Variants in ADGB observed in about 807,000 individuals in gnomAD.
ADGB encodes the protein androglobin.
In ADGB, 172 loss-of-function variants were observed where a neutral mutation model predicts 210.5. That is an observed-to-expected ratio of 0.82 (90% CI 0.72 to 0.93). The LOEUF is 0.93. Among genes scored for constraint, ADGB ranks in the 40% least tolerant of loss-of-function variants. The pLI is 0.00. For missense variants in ADGB, 2,025 were observed against 1,964.8 expected (o/e 1.03, Z -0.58); for synonymous variants, 658 against 662.7 (o/e 0.99, Z 0.11).
chr6:146,717,242 A>G (rs1345724605), intron 15 of ADGB, among the ~76,000 whole-genome samples, 173 bp downstream of exon 15: 1 of 152,224 alleles, frequency 6.6e-6, no homozygotes, highest in Non-Finnish European at 1.5e-5. Flanking sequence ...GTGTTGGTAT[A>G]ATATCAAATA....
rs1321655469 is a variant in ADGB at position 146,620,886 on chromosome 6, A to G, written c.75-14489A>G. Among the ~76,000 whole-genome samples the G allele has an allele frequency of 2.0e-5, 3 of 152,046 alleles. 1 individual carries two copies. The highest frequency in any genetic ancestry group is 2.0e-4 in the Admixed American group (3 of 15,246). On this transcript the variant is annotated intron_variant, in intron 1 of 35. Coordinates refer to ENST00000397944, the MANE Select transcript of ADGB (RefSeq NM_024694.4). ...GCAACTCTTATGTTGATTCCTGAGC[A>G]TTTGATGAGACAGCCACTTCCAGTT...
chr6:146,729,336 A>T (rs7744349), intron 20 of ADGB, among the ~76,000 whole-genome samples: 77,473 of 152,100 alleles, frequency 0.51, 20,939 homozygotes, highest in African/African-American at 0.69. Context: ...CTTCAATTTT[A>T]TTTGGAAGAG....
At chr6:146,784,026 T>C (rs1317004619) in intron 30 of ADGB, among the ~76,000 whole-genome samples, 2 of 152,312 alleles carry the variant, frequency 1.3e-5, no homozygotes, top group East Asian at 3.9e-4. Context: ...TAAGTAAAAT[T>C]TGCATACATG....
At chr6:146,728,314 A>G (rs1388739305) in intron 19 of ADGB, among the ~76,000 whole-genome samples, 1 of 152,162 alleles carries the variant, frequency 6.6e-6, no homozygotes, top group East Asian at 1.9e-4. Context: ...AGGTCTGGTT[A>G]TTAATACGGT....
chr6:146,814,168 A>G (rs1227778269), intron 35 of ADGB, among the ~76,000 whole-genome samples: 3 of 152,148 alleles, frequency 2.0e-5, no homozygotes, highest in Non-Finnish European at 2.9e-5. Context: ...CAGCTTTTCC[A>G]ACATCTCAAT....
At position 146,599,102 on chromosome 6, in the gene ADGB, A is replaced by G; in HGVS notation, c.62A>G (p.Asp21Gly). ...CGTATCAACTCGGCGCACGGATCGGATAAATCGAAAGAGTAAGGGACCTCT... is the reference window on the plus strand; with the variant it reads ...CGTATCAACTCGGCGCACGGATCGGGTAAATCGAAAGAGTAAGGGACCTCT... ...VHRINSAHGS[D>G]KSKDFYPFGS... Residue 21 changes from aspartate to glycine, a missense_variant, in exon 1 of 36, where the codon GAT (aspartate) becomes GGT (glycine). Physicochemically the swap from Asp to Gly is moderately conservative, Grantham distance 94. Transcript: ENST00000397944. The G allele has an allele frequency of 6.4e-7, 1 of 1,551,694 alleles. No individual in the cohort carries two copies. Among genetic ancestry groups the G allele is most frequent in the Non-Finnish European group, 8.7e-7 (1 of 1,146,954 alleles).
At chr6:146,615,146 T>G (rs546314750) in intron 1 of ADGB, among the ~76,000 whole-genome samples, 75 of 151,930 alleles carry the variant, frequency 4.9e-4, no homozygotes, top group African/African-American at 1.7e-3. Flanking sequence ...GACCTCGTGA[T>G]CCCCCTGCCT....
At chr6:146,728,763 T>C (rs1327669) in intron 20 of ADGB, 22 bp downstream of exon 20, 385,474 of 1,489,360 alleles carry the variant, frequency 0.26, 51,676 homozygotes, top group Non-Finnish European at 0.28. Context: ...TGGGATACAA[T>C]GTTCAGAAGA....
chr6:146,739,356 G>C (rs1331528871), intron 23 of ADGB, among the ~76,000 whole-genome samples: 1 of 152,118 alleles, frequency 6.6e-6, no homozygotes, highest in African/African-American at 2.4e-5. Context: ...ATGGAGAACT[G>C]TTAATAATTA....
intron 35 of ADGB, among the ~76,000 whole-genome samples, chr6:146,805,816 G>A (rs1043320182): frequency 6.6e-6 from 1 of 152,100 alleles, no homozygotes; most frequent in Non-Finnish European, 1.5e-5. Context: ...TTGTGTAACC[G>A]TGCCTAGTCT....
At chr6:146,685,653 C>T (rs1776221707) in intron 9 of ADGB, 81 bp from the exon 10 acceptor site, 1 of 649,458 alleles carries the variant, frequency 1.5e-6, no homozygotes, top group Non-Finnish European at 2.4e-6. Context: ...TTCATTAAGG[C>T]AATTGAACAA....
chr6:146,654,142 T>C lies in ADGB; in HGVS notation c.338T>C (p.Val113Ala). 2 of 1,532,272 alleles carry C rather than the reference T, an allele frequency of 1.3e-6. No homozygotes were observed. Among genetic ancestry groups the C allele is most frequent in the Non-Finnish European group, 1.8e-6 (2 of 1,131,548 alleles). The allele number at this position is 1,532,272 out of a possible 1,614,324, so 94.9% of individuals were successfully genotyped here. Residue 113 changes from valine to alanine, a missense_variant, in exon 4 of 36, where the codon GTA (valine) becomes GCA (alanine). Val to Ala is a moderately conservative substitution (Grantham distance 64). Coordinates refer to ENST00000397944, the MANE Select transcript of ADGB (RefSeq NM_024694.4). The part of the protein sequence containing the change: ...PQDILFSQTP[V>A]VVKNEITFDL... ...CATATATATTTTTTTCAGACTCCAG[T>C]AGTTGTGAAAAATGAAATCACGTTT...
chr6:146,760,411 T>A (rs1439892736), intron 27 of ADGB, among the ~76,000 whole-genome samples: 1 of 151,330 alleles, frequency 6.6e-6, no homozygotes, highest in Non-Finnish European at 1.5e-5. Flanking sequence ...TTAAGTTATA[T>A]CCATGTTATT....
intron 26 of ADGB, among the ~76,000 whole-genome samples, chr6:146,747,833 A>T (rs1381757780): frequency 6.8e-6 from 1 of 146,206 alleles, no homozygotes; most frequent in Non-Finnish European, 1.5e-5. Context: ...GGCTGTATGT[A>T]GTACAGCGGC....
At chr6:146,735,936 A>G (rs1777072971) in intron 22 of ADGB, among the ~76,000 whole-genome samples, 1 of 152,250 alleles carries the variant, frequency 6.6e-6, no homozygotes, top group South Asian at 2.1e-4. Context: ...ACAAGTAAAT[A>G]TATGAAGATA....
At chr6:146,699,293 AC>A (rs1776454099) in intron 12 of ADGB, among the ~76,000 whole-genome samples, 1 of 152,108 alleles carries the variant, frequency 6.6e-6, no homozygotes. Context: ...AGGCCTCAGA[AC>A]CCAGGAAGCT....
intron 9 of ADGB, among the ~76,000 whole-genome samples, chr6:146,682,679 C>T (rs1450797155): frequency 6.6e-6 from 1 of 152,020 alleles, no homozygotes; most frequent in African/African-American, 2.4e-5. Context: ...ATTCTAAAAG[C>T]AGTTTTATTG....
At chr6:146,810,591 T>TAC (rs1049657648) in intron 35 of ADGB, among the ~76,000 whole-genome samples, 3 of 151,658 alleles carry the variant, frequency 2.0e-5, no homozygotes, top group African/African-American at 7.3e-5. Flanking sequence ...ATGTGGTATA[T>TAC]ATATATATAA....
chr6:146,807,402 G>C (rs202091128), intron 35 of ADGB: 82 of 1,550,886 alleles, frequency 5.3e-5, no homozygotes, highest in Non-Finnish European at 6.9e-5. Flanking sequence ...TTTGGAACAG[G>C]ACTCCTTAGA....
Sources: gnomAD v4.1 joint callset for allele counts (sites outside exome capture counted in the v4.1 genomes callset) on GRCh38, gnomAD v4.1.1 for gene constraint, MANE v1.5 for transcripts, NCBI Gene and HGNC (gene_info 2026-07-23, HGNC 2026-07-21) for gene names.